The following PIEZO2 variants were observed in gnomAD, a reference collection of about 807,000 sequenced individuals.
PIEZO2 encodes the protein piezo type mechanosensitive ion channel component 2, also known as piezo-type mechanosensitive ion channel component 2.
Under a neutral mutation model 337.3 loss-of-function variants are expected in PIEZO2, and 172 were observed. The ratio of observed to expected loss-of-function variants is 0.51; its 90% CI spans 0.45 to 0.58. PIEZO2 has a LOEUF of 0.58. Among genes scored for constraint, PIEZO2 ranks in the 20% least tolerant of loss-of-function variants. The pLI, the probability that PIEZO2 is intolerant of heterozygous loss-of-function variation, is 0.00. For synonymous variants in PIEZO2, 1,251 were observed against 1,228.5 expected (o/e 1.02, Z -0.38); for missense variants, 3,028 against 3,391.3 (o/e 0.89, Z 2.66).
At chr18:10,900,304 G>A (rs1180631297) in intron 4 of PIEZO2, among the ~76,000 whole-genome samples, 1 of 151,762 alleles carries the variant, frequency 6.6e-6, no homozygotes, top group African/African-American at 2.4e-5. Flanking sequence ...GGCAGATCAG[G>A]GCAAATATCG....
chr18:10,922,188 G>A (rs1024440247), intron 3 of PIEZO2, among the ~76,000 whole-genome samples: 10 of 152,076 alleles, frequency 6.6e-5, no homozygotes, highest in South Asian at 2.1e-4. Flanking sequence ...CTGGTTTTGC[G>A]GCTTGTGGGG....
chr18:10,740,880 T>C (rs980311230), intron 33 of PIEZO2, 151 bp downstream of exon 33: 13 of 782,228 alleles, frequency 1.7e-5, no homozygotes, highest in Middle Eastern at 2.2e-4. Context: ...AAAGACCCAC[T>C]GACATTAAAA....
rs565836814 is a variant in PIEZO2, at chr18:10,794,138, T to C, written c.1758+634A>G. ...TAACACAAAGGGAATGTGTGTTTAG[T>C]CTGCCATTCTGTTAACAAAACAAAC... On this transcript the variant is annotated intron_variant, in intron 13 of 55. Transcript: ENST00000674853. The surrounding 1 kb of genome is among the most constrained non-coding windows in gnomAD (Gnocchi z 6.6). Among the ~76,000 whole-genome samples the C allele has an allele frequency of 6.6e-6, 1 of 152,352 alleles. No homozygotes were observed. Among genetic ancestry groups the C allele is most frequent in the South Asian group, 2.1e-4 (1 of 4,832 alleles).
intron 3 of PIEZO2, among the ~76,000 whole-genome samples, chr18:10,916,705 C>A (rs994930136): frequency 6.6e-6 from 1 of 152,160 alleles, no homozygotes; most frequent in Non-Finnish European, 1.5e-5. Context: ...GCTGCAGCCT[C>A]GGCCAGCCCA....
intron 43 of PIEZO2, among the ~76,000 whole-genome samples, chr18:10,700,632 T>C (rs2035292125): frequency 1.3e-5 from 2 of 152,212 alleles, no homozygotes; most frequent in African/African-American, 2.4e-5. Context: ...TACAAAAGAA[T>C]GTAAAGGTTG....
At chr18:10,950,409 T>A (rs1408145958) in intron 3 of PIEZO2, among the ~76,000 whole-genome samples, 1 of 152,130 alleles carries the variant, frequency 6.6e-6, no homozygotes, top group Non-Finnish European at 1.5e-5. Context: ...ACAAAACACA[T>A]GCTTGAAGGA....
intron 2 of PIEZO2, among the ~76,000 whole-genome samples, chr18:11,043,949 C>T (rs548560768): frequency 1.3e-5 from 2 of 152,156 alleles, no homozygotes; most frequent in South Asian, 4.1e-4. Flanking sequence ...GCAGGGATTA[C>T]AGGTTGAGCC....
At position 10,765,983 on chromosome 18, in the gene PIEZO2, A is replaced by G. The variant is rs117902203; in HGVS notation, c.2947-2885T>C. On this transcript the variant is annotated intron_variant, in intron 21 of 55. Transcript: ENST00000674853. ...TCCCCTGTCCTCAGCATCCTAGAGA[A>G]GTCAAATCAGAGGAGGACTAAAGAG... Among the ~76,000 whole-genome samples, 12 of 152,246 alleles carry G rather than the reference A, an allele frequency of 7.9e-5. No homozygotes were observed. The East Asian group carries it at 2.3e-3, about 29-fold the overall frequency.
chr18:10,789,475 A>G (rs2039340602), intron 14 of PIEZO2, 110 bp from the exon 15 acceptor site: 2 of 1,282,196 alleles, frequency 1.6e-6, no homozygotes, highest in Non-Finnish European at 2.1e-6. Flanking sequence ...AAGTTATTGT[A>G]TAATTTGGAT....
intron 36 of PIEZO2, among the ~76,000 whole-genome samples, chr18:10,728,911 C>T (rs1352191152): frequency 2.8e-5 from 4 of 145,182 alleles, no homozygotes; most frequent in African/African-American, 7.8e-5. Flanking sequence ...GCTGAGATGG[C>T]GCCACTGCAC....
chr18:10,930,423 C>A (rs1345636711), intron 3 of PIEZO2, among the ~76,000 whole-genome samples: 1 of 151,758 alleles, frequency 6.6e-6, no homozygotes, highest in Non-Finnish European at 1.5e-5. Context: ...TTAAATCCAC[C>A]TATGACTTAG....
chr18:10,972,053 G>C (rs935625949), intron 3 of PIEZO2, among the ~76,000 whole-genome samples: 2 of 151,966 alleles, frequency 1.3e-5, no homozygotes, highest in Admixed American at 6.6e-5. Context: ...AGCACTTTGG[G>C]AGGCCGAGGT....
intron 4 of PIEZO2, among the ~76,000 whole-genome samples, chr18:10,880,159 T>A (rs544681886): frequency 6.6e-6 from 1 of 152,166 alleles, no homozygotes; most frequent in Non-Finnish European, 1.5e-5. Flanking sequence ...TATTTTCCTG[T>A]GTAGAACGAA....
rs929452703 is a variant in PIEZO2, at chr18:11,112,819, C to T, written c.64+35706G>A. Among the ~76,000 whole-genome samples, 9 of 152,236 alleles carry T rather than the reference C, an allele frequency of 5.9e-5. No homozygotes were observed. The highest frequency in any genetic ancestry group is 5.8e-4 in the East Asian group (3 of 5,182). On this transcript the variant is annotated intron_variant, in intron 1 of 55. Transcript: ENST00000674853. The surrounding 1 kb of genome is among the most constrained non-coding windows in gnomAD (Gnocchi z 4.3). ...TTAGGTCACCGACAAGAGGAAGAGG[C>T]GCTATGGAGAAGAAGGAGCAAGCCA...
At chr18:10,835,805 G>A (rs2040992260) in intron 7 of PIEZO2, among the ~76,000 whole-genome samples, 1 of 152,206 alleles carries the variant, frequency 6.6e-6, no homozygotes, top group South Asian at 2.1e-4. Context: ...TGGCCTACGG[G>A]CATGAGCCAG....
chr18:10,820,259 A>G (rs1380570910), intron 7 of PIEZO2, among the ~76,000 whole-genome samples: 3 of 151,380 alleles, frequency 2.0e-5, no homozygotes, highest in African/African-American at 7.3e-5. Context: ...CTTAATATAC[A>G]TTTGTCTATG....
intron 2 of PIEZO2, among the ~76,000 whole-genome samples, chr18:10,990,421 A>G (rs1186935808): frequency 1.3e-5 from 2 of 152,106 alleles, no homozygotes; most frequent in African/African-American, 4.8e-5. Flanking sequence ...AGAACAGTAA[A>G]TTGCTTCAAC....
At chr18:11,067,907 T>C (rs1598909465) in intron 1 of PIEZO2, among the ~76,000 whole-genome samples, 1 of 152,174 alleles carries the variant, frequency 6.6e-6, no homozygotes, top group East Asian at 1.9e-4. Context: ...AGCAGCAGAA[T>C]ACACATTCTT....
intron 4 of PIEZO2, among the ~76,000 whole-genome samples, chr18:10,884,595 T>A (rs1014483858): frequency 6.6e-6 from 1 of 152,182 alleles, no homozygotes; most frequent in Admixed American, 6.5e-5. Flanking sequence ...GTGAGCTGCC[T>A]GCTTCGTGGA....
Sources: gnomAD v4.1 joint callset for allele counts (sites outside exome capture counted in the v4.1 genomes callset) on GRCh38, gnomAD v4.1.1 for gene constraint, Gnocchi (gnomAD v3.1) non-coding constraint, MANE v1.5 for transcripts, NCBI Gene and HGNC (gene_info 2026-07-23, HGNC 2026-07-21) for gene names.